Variants in DEPDC1B observed in about 807,000 individuals in gnomAD.
DEPDC1B encodes DEP domain-containing protein 1B.
DEPDC1B carries 51 observed loss-of-function variants against 66.5 expected under a neutral mutation model. That is an observed-to-expected ratio of 0.77 (90% confidence interval 0.61 to 0.97). DEPDC1B has a LOEUF of 0.97. Among genes scored for constraint, DEPDC1B ranks in the 50% least tolerant of loss-of-function variants. DEPDC1B has a pLI of 0.00. For synonymous variants in DEPDC1B, 226 were observed against 223.6 expected (o/e 1.01, Z -0.10); for missense variants, 552 against 637.1 (o/e 0.87, Z 1.44).
chr5:60,648,607 C>G (rs1156952540), intron 2 of DEPDC1B, among the ~76,000 whole-genome samples: 1 of 152,140 alleles, frequency 6.6e-6, no homozygotes, highest in East Asian at 1.9e-4. Context: ...ATTTCAAAAA[C>G]AGTCGCAATA....
chr5:60,600,610 T>C (rs1752182745), intron 9 of DEPDC1B, among the ~76,000 whole-genome samples: 1 of 152,190 alleles, frequency 6.6e-6, no homozygotes, highest in Non-Finnish European at 1.5e-5. Flanking sequence ...AATTCTAATA[T>C]GTACTTGCAA....
At chr5:60,649,363 G>C (rs1460086195) in intron 2 of DEPDC1B, among the ~76,000 whole-genome samples, 50 of 152,070 alleles carry the variant, frequency 3.3e-4, no homozygotes, top group Admixed American at 3.2e-3. Flanking sequence ...AGAAATACCA[G>C]GAAATCACCT....
chr5:60,599,699 A>G (rs111695875), intron 9 of DEPDC1B, among the ~76,000 whole-genome samples: 8,089 of 152,338 alleles, frequency 0.053, 454 homozygotes, highest in African/African-American at 0.14. Flanking sequence ...AACCACAAAC[A>G]ATAGCATGAG....
intron 7 of DEPDC1B, among the ~76,000 whole-genome samples, chr5:60,607,951 G>T (rs1287129944): frequency 6.6e-6 from 1 of 152,152 alleles, no homozygotes; most frequent in Non-Finnish European, 1.5e-5. Flanking sequence ...AGATCATGCA[G>T]AACTTTGTAG....
At chr5:60,676,570 T>C (rs970767703) in intron 2 of DEPDC1B, among the ~76,000 whole-genome samples, 1 of 152,250 alleles carries the variant, frequency 6.6e-6, no homozygotes, top group Non-Finnish European at 1.5e-5. Flanking sequence ...CTAAGATTTC[T>C]GTTCCAGCCG....
At chr5:60,678,321 C>G (rs1010767370) in intron 2 of DEPDC1B, among the ~76,000 whole-genome samples, 4 of 152,114 alleles carry the variant, frequency 2.6e-5, no homozygotes, top group African/African-American at 9.7e-5. Flanking sequence ...ATCCATTCAC[C>G]CATGGAAGAA....
chr5:60,651,531 AAAAAAAAAC>A (rs1390520227), intron 2 of DEPDC1B, among the ~76,000 whole-genome samples: 14 of 147,356 alleles, frequency 9.5e-5, no homozygotes, highest in African/African-American at 2.9e-4. Flanking sequence ...ACTCCACCTA[AAAAAAAAAC>A]AAAAAAAACA....
At chr5:60,684,522 A>G (rs2112025515) in intron 2 of DEPDC1B, among the ~76,000 whole-genome samples, 1 of 152,268 alleles carries the variant, frequency 6.6e-6, no homozygotes, top group South Asian at 2.1e-4. Flanking sequence ...AATAAGCTAG[A>G]AAAACTGGAT....
intron 3 of DEPDC1B, 47 bp from the exon 4 acceptor site, chr5:60,645,666 AAGAC>A: frequency 6.5e-7 from 1 of 1,550,076 alleles, no homozygotes; most frequent in Non-Finnish European, 8.7e-7. Context: ...AAACGGTAGA[AAGAC>A]AGTGAATAAA....
At chr5:60,637,179 C>T (rs770081298) in intron 7 of DEPDC1B, among the ~76,000 whole-genome samples, 6 of 152,144 alleles carry the variant, frequency 3.9e-5, no homozygotes, top group African/African-American at 4.8e-5. Context: ...TCTGCATCCC[C>T]GCCCAAATCT....
Position 60,698,909 on chromosome 5 carries a change from AT to A in DEPDC1B, c.48+1136del, listed in dbSNP as rs776585598. 2.0e-5 allele frequency among the ~76,000 whole-genome samples: 3 copies of A among 152,104 alleles called. No homozygotes were observed. In the East Asian group the frequency reaches 5.8e-4, roughly 29 times the overall value. On this transcript the variant is annotated intron_variant, in intron 1 of 10. Coordinates refer to ENST00000265036, the MANE Select transcript of DEPDC1B (RefSeq NM_018369.3). ...TCGAACTCCTGACCTCAAGCGATCC[AT>A]CCCCTTAAATCATGTAAAATTTCAT... is the stretch of plus-strand genomic sequence containing the variant.
At chr5:60,672,073 G>A (rs947626344) in intron 2 of DEPDC1B, among the ~76,000 whole-genome samples, 1 of 152,186 alleles carries the variant, frequency 6.6e-6, no homozygotes, top group Admixed American at 6.5e-5. Flanking sequence ...GAGGTTATAT[G>A]ACCTGCAAAT....
intron 7 of DEPDC1B, among the ~76,000 whole-genome samples, chr5:60,634,994 G>C (rs957456746): frequency 1.3e-5 from 2 of 151,450 alleles, no homozygotes; most frequent in Admixed American, 6.6e-5. Flanking sequence ...AGAAGATGGA[G>C]GTTGCGGTGA....
At chr5:60,668,149 A>AT (rs1561384920) in intron 2 of DEPDC1B, among the ~76,000 whole-genome samples, 10 of 40,600 alleles carry the variant, frequency 2.5e-4, no homozygotes, top group East Asian at 8.2e-4. Context: ...ATATATATAT[A>AT]AAATGGATAT....
At chr5:60,684,838 C>T (rs1292087013) in intron 2 of DEPDC1B, among the ~76,000 whole-genome samples, 2 of 152,122 alleles carry the variant, frequency 1.3e-5, no homozygotes, top group African/African-American at 4.8e-5. Flanking sequence ...ATTCATCCAA[C>T]AAGGGACTAA....
intron 9 of DEPDC1B, among the ~76,000 whole-genome samples, 166 bp from the exon 10 acceptor site, chr5:60,599,426 A>G (rs1175559137): frequency 6.6e-6 from 1 of 152,240 alleles, no homozygotes; most frequent in African/African-American, 2.4e-5. Context: ...AAGTATTTCC[A>G]TAACTTCAAA....
chr5:60,639,121 A>G (rs1753128030), intron 6 of DEPDC1B, among the ~76,000 whole-genome samples: 1 of 152,240 alleles, frequency 6.6e-6, no homozygotes, highest in South Asian at 2.1e-4. Context: ...ATTGAAATCT[A>G]TTATAAAACA....
intron 2 of DEPDC1B, among the ~76,000 whole-genome samples, chr5:60,664,621 C>T (rs1207230246): frequency 1.3e-5 from 2 of 152,092 alleles, no homozygotes; most frequent in South Asian, 2.1e-4. Context: ...TGGCTGATCC[C>T]GACCTCAACT....
intron 9 of DEPDC1B, among the ~76,000 whole-genome samples, chr5:60,599,694 C>T (rs748516412): frequency 6.6e-6 from 1 of 152,248 alleles, no homozygotes; most frequent in Non-Finnish European, 1.5e-5. Flanking sequence ...TCTTAAACCA[C>T]AAACAATAGC....
Sources: allele counts gnomAD v4.1 joint callset (sites outside exome capture counted in the v4.1 genomes callset), GRCh38; gene constraint gnomAD v4.1.1; transcripts MANE v1.5; gene names NCBI Gene and HGNC (gene_info 2026-07-23, HGNC 2026-07-21).